The following FRMD6 variants were observed in gnomAD, a reference collection of about 807,000 sequenced individuals.
FRMD6 encodes the protein FERM domain containing 6.
Under a neutral mutation model 73.2 loss-of-function variants are expected in FRMD6, and 37 were observed. That is an observed-to-expected ratio of 0.51 (90% CI 0.39 to 0.66). FRMD6 has a LOEUF of 0.66. FRMD6 is among the 30% of genes least tolerant of loss of function. The probability of loss-of-function intolerance (pLI) is 0.00; values close to 1 mark genes in which losing one functional copy is unlikely to be tolerated. For missense variants in FRMD6, 714 were observed against 780.5 expected (o/e 0.91, Z 1.02); for synonymous variants, 273 against 282.2 (o/e 0.97, Z 0.33).
chr14:51,672,607 G>T (rs151167672), intron 1 of FRMD6, among the ~76,000 whole-genome samples: 1,626 of 152,080 alleles, frequency 0.011, 12 homozygotes, highest in Middle Eastern at 0.017. Flanking sequence ...TTGACCTTTT[G>T]GAGCTTATGG....
chr14:51,398,576 T>C, the FRMD6 span, among the ~76,000 whole-genome samples: 1 of 152,108 alleles, frequency 6.6e-6, no homozygotes. Context: ...TTTTTGCATA[T>C]TTCACCATCT....
the FRMD6 span, among the ~76,000 whole-genome samples, chr14:51,447,682 G>A: frequency 2.6e-5 from 4 of 152,280 alleles, no homozygotes; most frequent in Admixed American, 6.5e-5. Context: ...TTGGATTTGA[G>A]GTAGAGCCTT....
At chr14:51,617,913 T>C (rs1002202968) in intron 2 of FRMD6, among the ~76,000 whole-genome samples, 1 of 152,162 alleles carries the variant, frequency 6.6e-6, no homozygotes, top group Admixed American at 6.6e-5. Flanking sequence ...AAACATGCAA[T>C]AGATAAATGC....
chr14:51,475,979 T>G, the FRMD6 span, among the ~76,000 whole-genome samples: 1 of 152,148 alleles, frequency 6.6e-6, no homozygotes, highest in African/African-American at 2.4e-5. Flanking sequence ...AGAGAACAAA[T>G]GTACCTTGCC....
upstream of FRMD6, among the ~76,000 whole-genome samples, chr14:51,484,847 A>C (rs1254479264): frequency 6.6e-6 from 1 of 152,222 alleles, no homozygotes; most frequent in Non-Finnish European, 1.5e-5. Flanking sequence ...TTGGCAAAGC[A>C]ATTTTGAAAC....
At chr14:51,459,496 C>T in the FRMD6 span, among the ~76,000 whole-genome samples, 7 of 152,150 alleles carry the variant, frequency 4.6e-5, no homozygotes, top group Admixed American at 2.0e-4. Flanking sequence ...TCTCTCTTCC[C>T]TTTCCCAAGC....
intron 2 of FRMD6, among the ~76,000 whole-genome samples, chr14:51,641,644 C>G (rs1463025746): frequency 6.6e-6 from 1 of 152,188 alleles, no homozygotes; most frequent in African/African-American, 2.4e-5. Context: ...TCAATAGACA[C>G]TTGGCAGGCT....
intron 1 of FRMD6, among the ~76,000 whole-genome samples, chr14:51,681,534 G>T (rs1894797253): frequency 6.6e-6 from 1 of 152,166 alleles, no homozygotes; most frequent in Non-Finnish European, 1.5e-5. Flanking sequence ...GGGTACCCAG[G>T]TGGGAAGTGT....
chr14:51,452,725 G>A, the FRMD6 span, among the ~76,000 whole-genome samples: 2 of 152,280 alleles, frequency 1.3e-5, no homozygotes, highest in Admixed American at 1.3e-4. Context: ...TGTTTAAGGA[G>A]CATATCTAGA....
the FRMD6 span, among the ~76,000 whole-genome samples, chr14:51,423,068 T>C: frequency 1.3e-5 from 2 of 152,230 alleles, no homozygotes; most frequent in African/African-American, 4.8e-5. Flanking sequence ...GCAAGCTGAC[T>C]TCTGCCAGCC....
intron 1 of FRMD6, chr14:51,554,845 G>A (rs1887038462): frequency 6.6e-6 from 1 of 152,200 alleles, no homozygotes; most frequent in Non-Finnish European, 1.5e-5. Flanking sequence ...ATGGACTGTA[G>A]TTATTGACAC....
At chr14:51,722,992 C>G (rs1333688430) in intron 12 of FRMD6, among the ~76,000 whole-genome samples, 1 of 152,226 alleles carries the variant, frequency 6.6e-6, no homozygotes. Flanking sequence ...TCTTCAAGAG[C>G]AGGAGGCATC....
intron 1 of FRMD6, among the ~76,000 whole-genome samples, chr14:51,501,550 G>C (rs530026001): frequency 6.6e-6 from 1 of 152,234 alleles, no homozygotes; most frequent in South Asian, 2.1e-4. Context: ...ACATGATTCT[G>C]TTCCTTTTTA....
At chr14:51,451,451 G>C in the FRMD6 span, among the ~76,000 whole-genome samples, 1 of 152,198 alleles carries the variant, frequency 6.6e-6, no homozygotes, top group Admixed American at 6.5e-5. Context: ...TCAGCTCACT[G>C]CAGCCTACAC....
intron 5 of FRMD6, among the ~76,000 whole-genome samples, chr14:51,703,411 C>G (rs1896442529): frequency 1.3e-5 from 2 of 151,920 alleles, no homozygotes; most frequent in African/African-American, 4.8e-5. Flanking sequence ...GTAAAATTAG[C>G]TCTTGATATT....
chr14:51,566,737 C>T (rs1570126), intron 1 of FRMD6, among the ~76,000 whole-genome samples: 114,664 of 152,188 alleles, frequency 0.75, 43,591 homozygotes, highest in South Asian at 0.82. Flanking sequence ...TTGCACCAAC[C>T]CAATACTTTC....
At chr14:51,717,074 T>TA (rs1897279592) in intron 10 of FRMD6, among the ~76,000 whole-genome samples, 1 of 152,214 alleles carries the variant, frequency 6.6e-6, no homozygotes, top group Non-Finnish European at 1.5e-5. Context: ...GGTTCTAAGG[T>TA]AAAAATTGCA....
intron 2 of FRMD6, among the ~76,000 whole-genome samples, chr14:51,628,440 A>C (rs1891196006): frequency 6.6e-6 from 1 of 152,234 alleles, no homozygotes; most frequent in Non-Finnish European, 1.5e-5. Context: ...AATAACTCTC[A>C]TGCCTGTTTC....
the FRMD6 span, among the ~76,000 whole-genome samples, chr14:51,430,612 A>C: frequency 4.0e-5 from 6 of 151,752 alleles, no homozygotes; most frequent in African/African-American, 7.3e-5. Flanking sequence ...AAAAAAAAAA[A>C]CAAAAAACAA....
Sources: gnomAD v4.1 joint callset for allele counts (sites outside exome capture counted in the v4.1 genomes callset) on GRCh38, gnomAD v4.1.1 for gene constraint, MANE v1.5 for transcripts, NCBI Gene and HGNC (gene_info 2026-07-23, HGNC 2026-07-21) for gene names.